Variants in PCDH15 observed in about 807,000 individuals in gnomAD.
The protein encoded by PCDH15 is protocadherin-15.
A neutral mutation model predicts 178.5 loss-of-function variants in PCDH15; 129 were observed. The observed-to-expected ratio is 0.72, with a 90% confidence interval of 0.63 to 0.84. The LOEUF (loss-of-function observed/expected upper bound fraction) is 0.84, where lower values mean the gene tolerates loss of function less well. Among genes scored for constraint, PCDH15 ranks in the 40% least tolerant of loss-of-function variants. The pLI is 0.00. For synonymous variants in PCDH15, 800 were observed against 732.0 expected (o/e 1.09, Z -1.50); for missense variants, 2,230 against 2,099.9 (o/e 1.06, Z -1.21).
chr10:54,515,754 C>A (rs548655571), intron 3 of PCDH15, among the ~76,000 whole-genome samples: 1 of 152,336 alleles, frequency 6.6e-6, no homozygotes, highest in South Asian at 2.1e-4. Flanking sequence ...TGACACCTCA[C>A]ACGGTCGGGT....
chr10:54,831,062 A>G (rs1001543920), intron 3 of PCDH15, among the ~76,000 whole-genome samples: 2 of 152,248 alleles, frequency 1.3e-5, no homozygotes, highest in South Asian at 2.1e-4. Context: ...TGGAAGAACT[A>G]GGTCATCACT....
intron 2 of PCDH15, among the ~76,000 whole-genome samples, chr10:55,566,978 T>C (rs1354567801): frequency 6.6e-6 from 1 of 151,894 alleles, no homozygotes; most frequent in Non-Finnish European, 1.5e-5. Flanking sequence ...AATAGCTAAA[T>C]TGATCCTAGA....
At chr10:54,665,896 A>G (rs1333700216) in intron 1 of PCDH15, among the ~76,000 whole-genome samples, 1 of 152,096 alleles carries the variant, frequency 6.6e-6, no homozygotes, top group Non-Finnish European at 1.5e-5. Flanking sequence ...TGTAGAAAAA[A>G]GAAAAATAAA....
chr10:54,468,377 C>G (rs1030845354), intron 3 of PCDH15, among the ~76,000 whole-genome samples: 1 of 151,738 alleles, frequency 6.6e-6, no homozygotes, highest in Non-Finnish European at 1.5e-5. Context: ...TCATTTGTTT[C>G]AATACATTTT....
At chr10:54,617,755 C>CAAAAAAAAAAA in intron 2 of PCDH15, among the ~76,000 whole-genome samples, 1 of 117,126 alleles carries the variant, frequency 8.5e-6, no homozygotes, top group African/African-American at 3.4e-5. Context: ...TCTAAAAATA[C>CAAAAAAAAAAA]AAAAAAAAAA....
chr10:54,315,174 T>C (rs1310665102), intron 8 of PCDH15, among the ~76,000 whole-genome samples: 1 of 152,222 alleles, frequency 6.6e-6, no homozygotes, highest in Non-Finnish European at 1.5e-5. Flanking sequence ...GTGTTCCCTT[T>C]TCTCTGCAAC....
intron 4 of PCDH15, among the ~76,000 whole-genome samples, chr10:54,378,137 C>A (rs1005330102): frequency 6.6e-6 from 1 of 151,930 alleles, no homozygotes; most frequent in Non-Finnish European, 1.5e-5. Context: ...ATTTGCCAGG[C>A]TGGACTCAAA....
chr10:55,219,579 T>C (rs994813726), intron 1 of PCDH15, among the ~76,000 whole-genome samples: 1 of 151,292 alleles, frequency 6.6e-6, no homozygotes, highest in African/African-American at 2.4e-5. Flanking sequence ...TATATAATAA[T>C]ATAAATTTTC....
intron 2 of PCDH15, among the ~76,000 whole-genome samples, chr10:55,593,578 A>G (rs1189406874): frequency 6.6e-6 from 1 of 151,894 alleles, no homozygotes; most frequent in Non-Finnish European, 1.5e-5. Context: ...TATTGTATAC[A>G]TCTGGAAATA....
chr10:55,091,994 AAAT>A (rs1842330622), intron 2 of PCDH15, among the ~76,000 whole-genome samples: 1 of 151,904 alleles, frequency 6.6e-6, no homozygotes, highest in South Asian at 2.1e-4. Context: ...TAAAATATGA[AAAT>A]AACTTTATGG....
intron 28 of PCDH15, among the ~76,000 whole-genome samples, chr10:53,850,744 T>C (rs1253392381): frequency 6.6e-6 from 1 of 152,194 alleles, no homozygotes; most frequent in Non-Finnish European, 1.5e-5. Flanking sequence ...CTGCATTATC[T>C]GATAAAAATT....
intron 2 of PCDH15, among the ~76,000 whole-genome samples, chr10:55,338,832 G>A (rs1275593765): frequency 1.3e-5 from 2 of 152,074 alleles, no homozygotes; most frequent in Non-Finnish European, 2.9e-5. Flanking sequence ...TGGCAACAAC[G>A]TGGATGGAAC....
rs147114963 is a variant in PCDH15 at position 54,744,677 on chromosome 10, A to G, written c.-29+56248T>C. ...GAGGTGGTGAAAAGATAATTAAAAG[A>G]TTCAAAATCAAAATTTATATAACAG... On this transcript the variant is annotated intron_variant, in intron 1 of 37. Coordinates refer to ENST00000644397, the MANE Select transcript of PCDH15 (RefSeq NM_001384140.1). Among the ~76,000 whole-genome samples, 56 of 152,336 alleles carry G rather than the reference A, an allele frequency of 3.7e-4. No individual in the cohort carries two copies. The East Asian group carries it at 0.01, about 28-fold the overall frequency.
chr10:54,331,074 CAG>C (rs747270334), intron 6 of PCDH15, among the ~76,000 whole-genome samples: 2 of 150,602 alleles, frequency 1.3e-5, no homozygotes, highest in Admixed American at 6.6e-5. Context: ...GAGAGAGAAA[CAG>C]AGAGAGAGAG....
intron 2 of PCDH15, among the ~76,000 whole-genome samples, chr10:55,565,697 A>G (rs193292683): frequency 6.6e-6 from 1 of 151,714 alleles, no homozygotes; most frequent in African/African-American, 2.4e-5. Flanking sequence ...GGACTATAAG[A>G]GAGTACTATG....
chr10:55,307,548 CTTAAA>C (rs1286256488), intron 1 of PCDH15, among the ~76,000 whole-genome samples: 1 of 151,588 alleles, frequency 6.6e-6, no homozygotes, highest in Non-Finnish European at 1.5e-5. Flanking sequence ...AAAAGTTAAT[CTTAAA>C]TTAATCTTAC....
At chr10:55,077,426 CCTTCCTTCCTTT>C (rs1253571668) in intron 2 of PCDH15, among the ~76,000 whole-genome samples, 7 of 89,190 alleles carry the variant, frequency 7.8e-5, no homozygotes, top group Non-Finnish European at 8.0e-5. Flanking sequence ...TTCCTTCCTT[CCTTCCTTCCTTT>C]CTTCCTTCCT....
At chr10:54,993,730 A>G (rs1372483112) in intron 2 of PCDH15, among the ~76,000 whole-genome samples, 1 of 152,164 alleles carries the variant, frequency 6.6e-6, no homozygotes, top group Non-Finnish European at 1.5e-5. Context: ...ACATGCTGAG[A>G]TATCTCTGGA....
chr10:55,429,071 G>A (rs191266089), intron 2 of PCDH15, among the ~76,000 whole-genome samples: 10 of 151,896 alleles, frequency 6.6e-5, no homozygotes, highest in Admixed American at 2.0e-4. Flanking sequence ...CAAACCCCAT[G>A]TTATATTGTT....
Sources: gnomAD v4.1 joint callset for allele counts (sites outside exome capture counted in the v4.1 genomes callset) on GRCh38, gnomAD v4.1.1 for gene constraint, MANE v1.5 for transcripts, NCBI Gene and HGNC (gene_info 2026-07-23, HGNC 2026-07-21) for gene names.